CIT: variants seen among roughly 807,000 people sequenced by gnomAD.
The protein encoded by CIT is citron rho-interacting serine/threonine kinase.
A neutral mutation model predicts 272.7 loss-of-function variants in CIT; 79 were observed. The ratio of observed to expected loss-of-function variants is 0.29; its 90% CI spans 0.24 to 0.35. CIT has a LOEUF of 0.35. CIT is among the 10% of genes least tolerant of loss of function. The pLI is 1.00. For missense variants in CIT, 1,909 were observed against 2,618.3 expected, an observed-to-expected ratio of 0.73 and a Z score of 5.91; for synonymous variants, 948 against 995.6, an observed-to-expected ratio of 0.95 and a Z score of 0.90.
chr12:119,860,774 A>T (rs1437086450), intron 3 of CIT, among the ~76,000 whole-genome samples: 3 of 151,216 alleles, frequency 2.0e-5, no homozygotes. Context: ...AGGCTTTTGG[A>T]TTATTAAGGT....
Position 119,803,170 on chromosome 12 carries a change from A to G in CIT, c.1295+36T>C, listed in dbSNP as rs531184439. The G allele has an allele frequency of 1.9e-4, 229 of 1,191,194 alleles. 2 individuals carry two copies. The South Asian group carries it at 3.7e-3, about 19-fold the overall frequency. The allele number at this position is 1,191,194 out of a possible 1,614,324, so 73.8% of individuals were successfully genotyped here. On this transcript the variant is annotated intron_variant, in intron 10 of 47. Coordinates refer to ENST00000392521, the MANE Select transcript of CIT (RefSeq NM_001206999.2). ...CTTTGGCTCCAAAAGCCTTGCATCA[A>G]TGCAGGTCCCTTTAGAAAGTCAAAT...
rs1401734092 is a variant in CIT, at chr12:119,734,363, A to G, written c.3157-6T>C. On this transcript the variant is annotated splice_region_variant and splice_polypyrimidine_tract_variant and intron_variant, in intron 25 of 47. Coordinates refer to ENST00000392521, the MANE Select transcript of CIT (RefSeq NM_001206999.2). ...GTCTTCAGAGCCTCCATCGTCTGCA[A>G]ATCAGTAGCACTGATTTGTGCCTTG... The G allele has an allele frequency of 6.2e-7, 1 of 1,611,894 alleles. No individual in the cohort carries two copies. Among genetic ancestry groups the G allele is most frequent in the South Asian group, 1.1e-5 (1 of 91,056 alleles).
At chr12:119,708,069 G>T in intron 40 of CIT, 110 bp downstream of exon 40, 1 of 1,215,838 alleles carries the variant, frequency 8.2e-7, no homozygotes, top group Non-Finnish European at 1.1e-6. Context: ...CTCTCTGTTT[G>T]TTATTTAAGT....
At chr12:119,859,992 T>A (rs956518803) in intron 3 of CIT, among the ~76,000 whole-genome samples, 7 of 152,014 alleles carry the variant, frequency 4.6e-5, no homozygotes, top group African/African-American at 1.7e-4. Context: ...ATTTTTAAAA[T>A]TTTTTTGTAC....
intron 41 of CIT, among the ~76,000 whole-genome samples, chr12:119,703,143 T>C (rs1464625615): frequency 6.7e-6 from 1 of 149,230 alleles, no homozygotes; most frequent in Non-Finnish European, 1.5e-5. Context: ...GGAAGCACGA[T>C]ATAGTGAAAT....
chr12:119,744,214 G>A (rs969078780), intron 23 of CIT, among the ~76,000 whole-genome samples: 2 of 152,050 alleles, frequency 1.3e-5, no homozygotes, highest in Non-Finnish European at 2.9e-5. Context: ...GATCTCCTTT[G>A]AAAACATAAG....
At chr12:119,862,008 T>C (rs1950353264) in intron 3 of CIT, among the ~76,000 whole-genome samples, 1 of 152,156 alleles carries the variant, frequency 6.6e-6, no homozygotes. Flanking sequence ...TTTGTTTGTT[T>C]GTTTGTTTCT....
intron 4 of CIT, among the ~76,000 whole-genome samples, chr12:119,856,166 G>A (rs1232722127): frequency 6.6e-6 from 1 of 152,178 alleles, no homozygotes. Context: ...AGTCATTGAA[G>A]TCCACAGGGC....
intron 9 of CIT, among the ~76,000 whole-genome samples, chr12:119,817,750 A>T (rs1255292232): frequency 6.6e-6 from 1 of 152,110 alleles, no homozygotes; most frequent in East Asian, 1.9e-4. Flanking sequence ...TAGAAATTCA[A>T]ATATCAGAAT....
intron 15 of CIT, 35 bp from the exon 16 acceptor site, chr12:119,775,874 C>G (rs762755905): frequency 6.4e-7 from 1 of 1,553,688 alleles, no homozygotes; most frequent in Admixed American, 1.7e-5. Context: ...AAGCAAAAGG[C>G]AAATCAGCAT....
chr12:119,778,533 T>C (rs956216933), intron 13 of CIT, among the ~76,000 whole-genome samples: 1 of 152,208 alleles, frequency 6.6e-6, no homozygotes, highest in East Asian at 1.9e-4. Context: ...ATTTGAATAT[T>C]TCTCCCAAGA....
chr12:119,725,820 T>C (rs1383975879), intron 28 of CIT, among the ~76,000 whole-genome samples: 1 of 152,144 alleles, frequency 6.6e-6, no homozygotes, highest in Admixed American at 6.5e-5. Flanking sequence ...AGAAGGAAAA[T>C]AGGACAGGCA....
rs1205214323 is a variant in CIT, at chr12:119,784,092, G to T, written c.1402-41C>A. 5 of 1,613,636 alleles carry T rather than the reference G, an allele frequency of 3.1e-6. No homozygotes were observed. In the African/African-American group the frequency reaches 5.3e-5, roughly 17 times the overall value. ...CGACAGGTTAAAAAGGCCCGTGGAG[G>T]TTCATTAGGAGCAATCACATCTCAA... On this transcript the variant is annotated intron_variant, in intron 11 of 47. Transcript: ENST00000392521. The surrounding 1 kb of genome is among the most constrained non-coding windows in gnomAD (Gnocchi z 4.7).
In CIT at chr12:119,834,213, G is replaced by T; in HGVS notation, c.532C>A (p.Pro178Thr). The change falls in exon 6 of 48, where the codon CCT becomes ACT. Residue 178 changes from proline (P) to threonine (T), a missense_variant. Pro to Thr is a conservative substitution (Grantham distance 38). This residue lies in a region of CIT where 529 missense variants were observed against 549.6 expected (regional missense o/e 0.96). Transcript: ENST00000392521. ...NHLYLVMEYQ[P>T]GGDLLSLLNR... The stretch of plus-strand genomic sequence containing the variant: ...AAAAGTGACAGCAAGTCCCCTCCAG[G>T]CTGATATTCCATGACCTGTATAGAA... The T allele has an allele frequency of 6.2e-7, 1 of 1,611,108 alleles. No homozygotes were observed. The highest frequency in any genetic ancestry group is 1.3e-5 in the African/African-American group (1 of 74,886).
chr12:119,726,643 G>A (rs1314570909), intron 28 of CIT, among the ~76,000 whole-genome samples: 1 of 152,116 alleles, frequency 6.6e-6, no homozygotes, highest in Non-Finnish European at 1.5e-5. Context: ...TCATCAGCCA[G>A]AACAGGGCAT....
chr12:119,772,375 G>A (rs962859615), intron 17 of CIT, among the ~76,000 whole-genome samples: 2 of 152,146 alleles, frequency 1.3e-5, no homozygotes, highest in East Asian at 1.9e-4. Context: ...TCATTGACGC[G>A]CAGGTAATAG....
chr12:119,712,869 T>G lies in CIT; in HGVS notation c.4580-174A>C. ...GTGCAGAGAAGGCAGAGAGGGAAGA[T>G]AAAAAAAAATAAAGTGTGTCAGATG... On this transcript the variant is annotated intron_variant, in intron 35 of 47. Transcript: ENST00000392521. The surrounding 1 kb of genome is among the most constrained non-coding windows in gnomAD (Gnocchi z 5.2). The G allele has an allele frequency of 1.8e-6, 1 of 565,878 alleles. No individual in the cohort carries two copies. Among genetic ancestry groups the G allele is most frequent in the Non-Finnish European group, 3.1e-6 (1 of 320,080 alleles). 35.1% of individuals were successfully genotyped at this position (565,878 alleles called of 1,614,324 possible).
rs80048034 is a variant in CIT, at chr12:119,693,853, G to A, written c.5883-3399C>T. Among the ~76,000 whole-genome samples the A allele has an allele frequency of 1.6e-3, 237 of 152,260 alleles. 1 individual carries two copies. Among genetic ancestry groups the A allele is most frequent in the African/African-American group, 5.5e-3 (230 of 41,558 alleles). Reference sequence around the variant, plus strand: ...TTGGTATTTTGTAATATTAGTTGTGGTTCTTCCACCAAATTATGGGCTCCT... The same window carrying A: ...TTGGTATTTTGTAATATTAGTTGTGATTCTTCCACCAAATTATGGGCTCCT... On this transcript the variant is annotated intron_variant, in intron 46 of 47. Coordinates refer to ENST00000392521, the MANE Select transcript of CIT (RefSeq NM_001206999.2).
chr12:119,796,308 G>A (rs1965725358), intron 10 of CIT, among the ~76,000 whole-genome samples: 1 of 152,214 alleles, frequency 6.6e-6, no homozygotes, highest in South Asian at 2.1e-4. Context: ...CCAGAGGCAA[G>A]GGAATCACTG....
Sources: gnomAD v4.1 joint callset for allele counts (sites outside exome capture counted in the v4.1 genomes callset) on GRCh38, gnomAD v4.1.1 for gene constraint, gnomAD v4.1.1 regional missense constraint, Gnocchi (gnomAD v3.1) non-coding constraint, MANE v1.5 for transcripts, NCBI Gene and HGNC (gene_info 2026-07-23, HGNC 2026-07-21) for gene names.